Variants in SEH1L observed in about 807,000 individuals in gnomAD.
SEH1L encodes SEH1 like nucleoporin.
In SEH1L, 18 loss-of-function variants were observed where a neutral mutation model predicts 49.5. The observed-to-expected ratio is 0.36, with a 90% CI of 0.25 to 0.54. The LOEUF (loss-of-function observed/expected upper bound fraction) is 0.54. Ranked by LOEUF, SEH1L falls within the 20% of genes least tolerant of loss-of-function variation. The probability of loss-of-function intolerance (pLI) is 0.87; values close to 1 mark genes in which losing one functional copy is unlikely to be tolerated. For synonymous variants in SEH1L, 169 were observed against 178.1 expected (o/e 0.95, Z 0.41); for missense variants, 404 against 528.8 (o/e 0.76, Z 2.31).
At chr18:12,984,243 G>C in intron 8 of SEH1L, 53 bp downstream of exon 8, 1 of 1,557,040 alleles carries the variant, frequency 6.4e-7, no homozygotes, top group Non-Finnish European at 8.8e-7. Context: ...AATCATTCTG[G>C]TAGCCATACT....
intron 6 of SEH1L, 121 bp downstream of exon 6, chr18:12,979,013 T>C (rs956805632): frequency 2.1e-6 from 2 of 946,202 alleles, no homozygotes; most frequent in African/African-American, 3.3e-5. Context: ...GAAGTTTTAC[T>C]TAAAAATGTA....
chr18:12,948,353 G>A, intron 1 of SEH1L, 121 bp downstream of exon 1: 1 of 731,938 alleles, frequency 1.4e-6, no homozygotes, highest in Non-Finnish European at 2.3e-6. Context: ...TGGGGTGGCG[G>A]GCGAGCCCTG....
chr18:12,978,846 G>A lies in SEH1L; in HGVS notation c.715G>A (p.Ala239Thr). The A allele has an allele frequency of 1.9e-6, 3 of 1,613,966 alleles. No individual in the cohort carries two copies. The highest frequency in any genetic ancestry group is 2.5e-6 in the Non-Finnish European group (3 of 1,179,970). Residue 239 changes from alanine (A) to threonine (T), a missense_variant, in exon 6 of 9, where the codon GCA becomes ACA. Physicochemically the swap from Ala to Thr is moderately conservative, Grantham distance 58. This residue lies in a region of SEH1L where 342 missense variants were observed against 430.8 expected (regional missense o/e 0.79). Coordinates refer to ENST00000399892, the MANE Select transcript of SEH1L (RefSeq NM_001013437.2). The stretch of plus-strand genomic sequence containing the variant: ...TTTGGGAAGATCTTTCCATATTCTA[G>A]CAATAGCGACCAAAGATGTGAGAAT... ...PNLGRSFHIL[A>T]IATKDVRIFT...
At chr18:12,967,575 A>G (rs1052917735) in intron 4 of SEH1L, among the ~76,000 whole-genome samples, 5 of 152,240 alleles carry the variant, frequency 3.3e-5, no homozygotes, top group Admixed American at 6.5e-5. Context: ...GCATCAGGCA[A>G]CTGGATTTTT....
chr18:12,969,516 C>T (rs9949475), intron 4 of SEH1L, among the ~76,000 whole-genome samples: 32,387 of 151,486 alleles, frequency 0.21, 3,909 homozygotes, highest in East Asian at 0.41. Flanking sequence ...GGTGAAACCT[C>T]ATCTTTACTA....
intron 3 of SEH1L, among the ~76,000 whole-genome samples, chr18:12,955,810 C>A (rs1398343233): frequency 6.6e-6 from 1 of 152,026 alleles, no homozygotes; most frequent in Non-Finnish European, 1.5e-5. Context: ...AGGAGCATCA[C>A]TGCATTGTTT....
chr18:12,986,175 TC>T, intron 8 of SEH1L: 1 of 985,128 alleles, frequency 1.0e-6, no homozygotes, highest in Non-Finnish European at 1.2e-6. Context: ...TTAATTCATG[TC>T]CTGTAAAGTT....
rs546064400 is a variant in SEH1L, at chr18:12,954,926, G to A, written c.163-537G>A. On this transcript the variant is annotated intron_variant, in intron 2 of 8. Transcript: ENST00000399892. ...CAGAACATTGTTTACCACCTCTAAA[G>A]GAAACCCTGTGCTCATTTAGCAGTC... is the stretch of plus-strand genomic sequence containing the variant. 4.6e-5 allele frequency among the ~76,000 whole-genome samples: 7 copies of A among 152,290 alleles called. No individual in the cohort carries two copies. The South Asian group carries it at 1.4e-3, about 32-fold the overall frequency.
intron 1 of SEH1L, among the ~76,000 whole-genome samples, chr18:12,950,170 A>G (rs2030432371): frequency 6.6e-6 from 1 of 151,962 alleles, no homozygotes; most frequent in Non-Finnish European, 1.5e-5. Flanking sequence ...AGTAGCTGGG[A>G]CTACGAGTGC....
At position 12,986,923 on chromosome 18, in the gene SEH1L, C is replaced by A; in HGVS notation, c.1132C>A (p.Leu378Ile). 1 of 1,613,158 alleles carries A rather than the reference C, an allele frequency of 6.2e-7. No homozygotes were observed. The highest frequency in any genetic ancestry group is 8.5e-7 in the Non-Finnish European group (1 of 1,179,444). Residue 378 changes from leucine (L) to isoleucine (I), a missense_variant, in exon 9 of 9, where the codon CTC becomes ATC. Leu to Ile is a conservative substitution (Grantham distance 5). Transcript: ENST00000399892. The part of the protein sequence containing the change: ...AGSRWSSYAQ[L>I]LPPPPPPLVE... Reference sequence around the variant, plus strand: ...ATCGAGATGGTCCAGTTATGCCCAGCTCCTTCCTCCTCCTCCTCCTCCTCT... The same window carrying A: ...ATCGAGATGGTCCAGTTATGCCCAGATCCTTCCTCCTCCTCCTCCTCCTCT...
At chr18:12,971,509 C>CT (rs1484504022) in intron 5 of SEH1L, 1 of 227,154 alleles carries the variant, frequency 4.4e-6, no homozygotes, top group African/African-American at 2.3e-5. Context: ...TGGCAGGTGC[C>CT]TGTAATCCCA....
rs774180018 is a variant in SEH1L, at chr18:12,971,154, T to G, written c.523T>G (p.Ser175Ala). The G allele has an allele frequency of 3.7e-6, 6 of 1,608,768 alleles. No individual in the cohort carries two copies. Among genetic ancestry groups the G allele is most frequent in the Non-Finnish European group, 5.1e-6 (6 of 1,175,268 alleles). Residue 175 changes from serine to alanine, a missense_variant and splice_region_variant, in exon 5 of 9, where the codon TCT becomes GCT. Transcript: ENST00000399892. ...AATGTTCTTTCTCCCCGTTTCTAGCTCTCGTGCTCATTCCCCCATGATCGC... is the reference window on the plus strand; with the variant it reads ...AATGTTCTTTCTCCCCGTTTCTAGCGCTCGTGCTCATTCCCCCATGATCGC... ...CSCISWNPSS[S>A]RAHSPMIAVG...
At chr18:12,948,280 GGA>G (rs1241146792) in intron 1 of SEH1L, 48 bp downstream of exon 1, 1 of 1,380,422 alleles carries the variant, frequency 7.2e-7, no homozygotes, top group Non-Finnish European at 1.0e-6. Context: ...GGAAGGAAGG[GGA>G]GTGGGTGGGC....
At position 12,948,070 on chromosome 18, in the gene SEH1L, C is replaced by T. The variant is rs890015445; in HGVS notation, c.-52C>T. On this transcript the variant is annotated 5_prime_UTR_variant, in exon 1 of 9. Transcript: ENST00000399892. ...GGCTAGGCTACGGGCCACGCGCCGC[C>T]GCCGCTGCCGCCGCCACTGTCCTCT... is the stretch of plus-strand genomic sequence containing the variant. 9.0e-6 allele frequency: 13 copies of T among 1,438,784 alleles called. No individual in the cohort carries two copies. The East Asian group carries it at 2.1e-4, about 24-fold the overall frequency. The allele number at this position is 1,438,784 out of a possible 1,614,324, so 89.1% of individuals were successfully genotyped here.
Position 12,948,105 on chromosome 18 carries a change from C to T in SEH1L, c.-17C>T, listed in dbSNP as rs776580049. ...GCCGCCACTGTCCTCTTCGGAGGCGCGGGCCCGACGGAAACCATGTTTGTG... is the reference window on the plus strand; with the variant it reads ...GCCGCCACTGTCCTCTTCGGAGGCGTGGGCCCGACGGAAACCATGTTTGTG... On this transcript the variant is annotated 5_prime_UTR_variant, in exon 1 of 9. Coordinates refer to ENST00000399892, the MANE Select transcript of SEH1L (RefSeq NM_001013437.2). 4 of 1,598,414 alleles carry T rather than the reference C, an allele frequency of 2.5e-6. No homozygotes were observed. The highest frequency in any genetic ancestry group is 3.4e-5 in the Admixed American group (2 of 59,618).
intron 4 of SEH1L, among the ~76,000 whole-genome samples, chr18:12,970,719 C>T (rs965674683): frequency 6.6e-6 from 1 of 152,186 alleles, no homozygotes; most frequent in Non-Finnish European, 1.5e-5. Context: ...GCCACCCTGC[C>T]GCAGTGTTTC....
intron 8 of SEH1L, chr18:12,986,322 A>G: frequency 2.0e-6 from 2 of 985,582 alleles, no homozygotes; most frequent in Non-Finnish European, 2.4e-6. Context: ...AAAATTTGGT[A>G]GCTATTCTAA....
chr18:12,957,485 C>CTT (rs986583531), intron 3 of SEH1L, among the ~76,000 whole-genome samples: 2 of 152,030 alleles, frequency 1.3e-5, no homozygotes, highest in African/African-American at 4.8e-5. Context: ...CTGTCTTTGC[C>CTT]TTATTGGATG....
At chr18:12,962,951 T>C (rs2031261741) in intron 3 of SEH1L, among the ~76,000 whole-genome samples, 1 of 152,152 alleles carries the variant, frequency 6.6e-6, no homozygotes, top group East Asian at 1.9e-4. Context: ...TAATTAATTA[T>C]AGCTCACTAA....
Sources: allele counts gnomAD v4.1 joint callset (sites outside exome capture counted in the v4.1 genomes callset), GRCh38; gene constraint gnomAD v4.1.1; regional missense constraint gnomAD v4.1.1; transcripts MANE v1.5; gene names NCBI Gene and HGNC (gene_info 2026-07-23, HGNC 2026-07-21).